TAFA2: variants seen among roughly 807,000 people sequenced by gnomAD.
TAFA2 encodes the protein TAFA chemokine like family member 2, also known as chemokine-like protein TAFA-2.
TAFA2 carries 7 observed loss-of-function variants against 18.8 expected under a neutral mutation model. The observed-to-expected ratio is 0.37, with a 90% CI of 0.21 to 0.70. TAFA2 has a LOEUF of 0.70. TAFA2 is among the 30% of genes least tolerant of loss of function. The probability of loss-of-function intolerance (pLI) is 0.53; values close to 1 mark genes in which losing one functional copy is unlikely to be tolerated. For synonymous variants in TAFA2, 60 were observed against 54.2 expected (o/e 1.11, Z -0.47); for missense variants, 122 against 158.1 (o/e 0.77, Z 1.23).
intron 4 of TAFA2, among the ~76,000 whole-genome samples, chr12:61,733,657 G>A: frequency 6.7e-6 from 1 of 149,304 alleles, no homozygotes; most frequent in Non-Finnish European, 1.5e-5. Context: ...CCAGTACCAT[G>A]CTGTTTTGGT....
At chr12:61,932,919 A>G (rs1877620801) in intron 1 of TAFA2, among the ~76,000 whole-genome samples, 1 of 151,886 alleles carries the variant, frequency 6.6e-6, no homozygotes, top group African/African-American at 2.4e-5. Flanking sequence ...TGCATGGTAG[A>G]CTCTCTGCTG....
chr12:61,901,628 A>C (rs541520782), intron 1 of TAFA2, among the ~76,000 whole-genome samples: 28 of 152,244 alleles, frequency 1.8e-4, no homozygotes, highest in African/African-American at 5.1e-4. Flanking sequence ...CATTTGAAGA[A>C]AGCATTAGTA....
At chr12:61,905,178 C>A (rs11174231) in intron 1 of TAFA2, among the ~76,000 whole-genome samples, 8 of 145,160 alleles carry the variant, frequency 5.5e-5, no homozygotes, top group African/African-American at 1.7e-4. Flanking sequence ...ACATTATACT[C>A]CTATGGTGTA....
chr12:61,938,945 AC>A (rs1877884981), intron 1 of TAFA2, among the ~76,000 whole-genome samples: 1 of 152,028 alleles, frequency 6.6e-6, no homozygotes, highest in Non-Finnish European at 1.5e-5. Context: ...TAAAAAAAAA[AC>A]TACAAATAGG....
intron 2 of TAFA2, among the ~76,000 whole-genome samples, chr12:61,827,713 C>A (rs762184217): frequency 2.0e-5 from 3 of 151,882 alleles, no homozygotes; most frequent in Non-Finnish European, 4.4e-5. Context: ...TATGAATAGT[C>A]CTAAAATAGA....
intron 2 of TAFA2, among the ~76,000 whole-genome samples, chr12:61,814,349 G>A (rs1184370521): frequency 6.6e-6 from 1 of 151,320 alleles, no homozygotes; most frequent in Non-Finnish European, 1.5e-5. Context: ...GGTAACAGGA[G>A]CCCCATGATT....
intron 1 of TAFA2, among the ~76,000 whole-genome samples, chr12:62,151,450 T>C (rs571145368): frequency 6.6e-6 from 1 of 152,334 alleles, no homozygotes; most frequent in Middle Eastern, 3.4e-3. Context: ...AAAAGGAAGG[T>C]CTTCTTTACT....
At chr12:62,011,583 C>T (rs1340375526) in intron 1 of TAFA2, among the ~76,000 whole-genome samples, 1 of 152,012 alleles carries the variant, frequency 6.6e-6, no homozygotes, top group Non-Finnish European at 1.5e-5. Flanking sequence ...ACTCCCTAAT[C>T]TCAAGTACCC....
chr12:61,724,906 T>C (rs1034414632), intron 4 of TAFA2, among the ~76,000 whole-genome samples: 10 of 148,986 alleles, frequency 6.7e-5, no homozygotes, highest in Non-Finnish European at 1.5e-4. Context: ...CTGTTTTGCA[T>C]AGTGGTTGTA....
At chr12:61,937,582 G>A (rs896589562) in intron 1 of TAFA2, among the ~76,000 whole-genome samples, 3 of 152,156 alleles carry the variant, frequency 2.0e-5, no homozygotes, top group Non-Finnish European at 2.9e-5. Flanking sequence ...AATAAATGAT[G>A]CTGGGAAAAT....
intron 1 of TAFA2, among the ~76,000 whole-genome samples, chr12:62,102,891 G>A (rs781322967): frequency 6.6e-6 from 1 of 152,126 alleles, no homozygotes; most frequent in African/African-American, 2.4e-5. Context: ...TTGGTCCATC[G>A]CCTTTGTATC....
chr12:62,200,710 T>C lies in TAFA2; in HGVS notation c.-130+58053A>G, dbSNP rs140448768. 1.5e-3 allele frequency among the ~76,000 whole-genome samples: 229 copies of C among 152,336 alleles called. 1 individual carries two copies. Among genetic ancestry groups the C allele is most frequent in the African/African-American group, 5.3e-3 (221 of 41,572 alleles). ...GTGATGCCTCCAGCTTTGTTCTTTATGCTTAAGATTGTCTTGGCTATATGG... is the reference window on the plus strand; with the variant it reads ...GTGATGCCTCCAGCTTTGTTCTTTACGCTTAAGATTGTCTTGGCTATATGG... On this transcript the variant is annotated intron_variant, in intron 1 of 5. Transcript: ENST00000551619.
At chr12:61,835,994 C>T (rs7961156) in intron 2 of TAFA2, among the ~76,000 whole-genome samples, 42,853 of 151,596 alleles carry the variant, frequency 0.28, 6,795 homozygotes, top group South Asian at 0.4. Context: ...GTAGAAGTTC[C>T]CTTAATCAAC....
chr12:62,202,552 C>T lies in TAFA2; in HGVS notation c.-130+56211G>A, dbSNP rs151186621. Among the ~76,000 whole-genome samples, 1,102 of 152,092 alleles carry T rather than the reference C, an allele frequency of 7.2e-3. 2 individuals are homozygous for T. The highest frequency in any genetic ancestry group is 0.014 in the Middle Eastern group (4 of 294). ...GGACAGACTGGTCTCAAACTCCTGACCTCAGATGATCCACCTGCTTTGGCC... is the reference window on the plus strand; with the variant it reads ...GGACAGACTGGTCTCAAACTCCTGATCTCAGATGATCCACCTGCTTTGGCC... On this transcript the variant is annotated intron_variant, in intron 1 of 5. Transcript: ENST00000551619.
chr12:61,769,190 C>T (rs1013671984), intron 2 of TAFA2, among the ~76,000 whole-genome samples: 8 of 151,980 alleles, frequency 5.3e-5, no homozygotes, highest in African/African-American at 1.4e-4. Flanking sequence ...TGCAGTAAGA[C>T]CCACCAAAGG....
chr12:62,137,602 T>C lies in TAFA2; in HGVS notation c.-2+53657A>G, dbSNP rs1219674175. On this transcript the variant is annotated intron_variant, in intron 1 of 4. Coordinates refer to ENST00000416284, the MANE Select transcript of TAFA2 (RefSeq NM_178539.5). ...AAAACACGTTAGAGCTTAGGGCCTTTCTCATGGAGTACATAACTAATCCAC... is the reference window on the plus strand; with the variant it reads ...AAAACACGTTAGAGCTTAGGGCCTTCCTCATGGAGTACATAACTAATCCAC... Among the ~76,000 whole-genome samples, 4 of 152,218 alleles carry C rather than the reference T, an allele frequency of 2.6e-5. No homozygotes were observed. In the East Asian group the frequency reaches 7.7e-4, roughly 29 times the overall value.
Position 61,942,154 on chromosome 12 carries a change from C to A in TAFA2, c.-1-74728G>T, listed in dbSNP as rs1037352480. On this transcript the variant is annotated intron_variant, in intron 1 of 4. Transcript: ENST00000416284. ...AAGTGGGTCCCTGACCCCTGACCCC[C>A]GAGCAGCCTAACTGGGAGGCACCCC... is the stretch of plus-strand genomic sequence containing the variant. 6.7e-5 allele frequency among the ~76,000 whole-genome samples: 10 copies of A among 148,184 alleles called. 1 individual carries two copies. The highest frequency in any genetic ancestry group is 2.0e-4 in the Admixed American group (3 of 14,932).
chr12:61,922,489 G>A (rs1202996653), intron 1 of TAFA2, among the ~76,000 whole-genome samples: 1 of 152,192 alleles, frequency 6.6e-6, no homozygotes, highest in Non-Finnish European at 1.5e-5. Context: ...CCCAAGAAGT[G>A]CAAGGGGTCG....
chr12:61,863,121 G>A (rs1281327173), intron 2 of TAFA2, among the ~76,000 whole-genome samples: 2 of 152,132 alleles, frequency 1.3e-5, no homozygotes, highest in South Asian at 2.1e-4. Context: ...AAGGGGATAC[G>A]TTTACCAGAG....
Sources: allele counts gnomAD v4.1 joint callset (sites outside exome capture counted in the v4.1 genomes callset), GRCh38; gene constraint gnomAD v4.1.1; transcripts MANE v1.5; gene names NCBI Gene and HGNC (gene_info 2026-07-23, HGNC 2026-07-21).